The following CNTNAP5 variants were observed in gnomAD, a reference collection of about 807,000 sequenced individuals.
The protein encoded by CNTNAP5 is contactin associated protein family member 5, also known as contactin-associated protein-like 5.
Under a neutral mutation model 150.2 loss-of-function variants are expected in CNTNAP5, and 72 were observed. That is an observed-to-expected ratio of 0.48 (90% CI 0.40 to 0.58). The LOEUF (loss-of-function observed/expected upper bound fraction) is 0.58. Among genes scored for constraint, CNTNAP5 ranks in the 20% least tolerant of loss-of-function variants. CNTNAP5 has a pLI of 0.00. For missense variants in CNTNAP5, 1,636 were observed against 1,626.2 expected, an observed-to-expected ratio of 1.01 and a Z score of -0.10; for synonymous variants, 672 against 619.8, an observed-to-expected ratio of 1.08 and a Z score of -1.25.
At chr2:124,813,427 C>A (rs991461961) in intron 19 of CNTNAP5, among the ~76,000 whole-genome samples, 2 of 147,618 alleles carry the variant, frequency 1.4e-5, no homozygotes, top group South Asian at 4.2e-4. Context: ...TATACCCTCA[C>A]TGAGCTAACT....
intron 1 of CNTNAP5, among the ~76,000 whole-genome samples, chr2:124,196,382 G>T (rs1457027503): frequency 6.6e-6 from 1 of 152,160 alleles, no homozygotes; most frequent in Non-Finnish European, 1.5e-5. Flanking sequence ...TTACCTGGAA[G>T]AAATATTTTG....
chr2:124,349,907 C>T (rs1216965602), intron 3 of CNTNAP5, among the ~76,000 whole-genome samples: 1 of 46,256 alleles, frequency 2.2e-5, no homozygotes, highest in Non-Finnish European at 4.1e-5. Flanking sequence ...TTTTTTGAGA[C>T]AGAGTCTAAC....
chr2:124,650,756 A>G (rs1237175622), intron 13 of CNTNAP5, among the ~76,000 whole-genome samples: 1 of 152,210 alleles, frequency 6.6e-6, no homozygotes, highest in Non-Finnish European at 1.5e-5. Flanking sequence ...ATCAATAAAT[A>G]CAACTTCATA....
intron 11 of CNTNAP5, among the ~76,000 whole-genome samples, chr2:124,590,111 T>C (rs927590522): frequency 6.6e-6 from 1 of 152,134 alleles, no homozygotes; most frequent in Non-Finnish European, 1.5e-5. Flanking sequence ...ACGGATGATA[T>C]AGGAAGAAGG....
intron 1 of CNTNAP5, among the ~76,000 whole-genome samples, chr2:124,113,725 A>G (rs1683358796): frequency 1.3e-5 from 2 of 151,938 alleles, no homozygotes; most frequent in Admixed American, 6.6e-5. Context: ...TTGTTTTAAA[A>G]ATGTATAATA....
chr2:124,091,449 C>T lies in CNTNAP5; in HGVS notation c.82+65717C>T, dbSNP rs146614416. Among the ~76,000 whole-genome samples, 34 of 152,212 alleles carry T rather than the reference C, an allele frequency of 2.2e-4. No individual in the cohort carries two copies. In the East Asian group the frequency reaches 6.2e-3, roughly 28 times the overall value. ...TGCTAGAACCTGGTAAGCTACATGGCAAAGAAGCTTGCAGTCGTGATCTCA... is the reference window on the plus strand; with the variant it reads ...TGCTAGAACCTGGTAAGCTACATGGTAAAGAAGCTTGCAGTCGTGATCTCA... On this transcript the variant is annotated intron_variant, in intron 1 of 23. Coordinates refer to ENST00000682447, the MANE Select transcript of CNTNAP5 (RefSeq NM_001367498.1).
At chr2:124,356,775 A>G (rs1690022215) in intron 3 of CNTNAP5, among the ~76,000 whole-genome samples, 1 of 151,730 alleles carries the variant, frequency 6.6e-6, no homozygotes. Flanking sequence ...ATACGTGTGC[A>G]TGTGTCTTTA....
At chr2:124,557,065 A>T (rs1695774415) in intron 10 of CNTNAP5, among the ~76,000 whole-genome samples, 1 of 151,918 alleles carries the variant, frequency 6.6e-6, no homozygotes, top group African/African-American at 2.4e-5. Flanking sequence ...TCTGCTTCTG[A>T]TCCAATTAGA....
chr2:124,860,453 T>A (rs1192604054), intron 19 of CNTNAP5, among the ~76,000 whole-genome samples: 4 of 10,300 alleles, frequency 3.9e-4, no homozygotes, highest in African/African-American at 9.1e-4. Context: ...CCTTCCTTCT[T>A]TCCTTCCTTC....
chr2:124,069,446 G>T (rs1213950), intron 1 of CNTNAP5, among the ~76,000 whole-genome samples: 37,084 of 152,094 alleles, frequency 0.24, 4,856 homozygotes, highest in Middle Eastern at 0.32. Context: ...CACAAACCTG[G>T]CTGACTTCAC....
intron 13 of CNTNAP5, among the ~76,000 whole-genome samples, chr2:124,675,953 A>G (rs74374335): frequency 0.043 from 6,610 of 152,232 alleles, 467 homozygotes; most frequent in African/African-American, 0.15. Context: ...AAAATAGGAC[A>G]TTTCAGATAA....
intron 10 of CNTNAP5, among the ~76,000 whole-genome samples, chr2:124,538,502 AG>A (rs1270545903): frequency 6.6e-6 from 1 of 151,608 alleles, no homozygotes; most frequent in African/African-American, 2.4e-5. Context: ...AGAGAGAAAG[AG>A]AGACTCTGTC....
intron 1 of CNTNAP5, among the ~76,000 whole-genome samples, chr2:124,056,594 C>T (rs899972393): frequency 6.6e-5 from 10 of 152,124 alleles, no homozygotes; most frequent in East Asian, 1.9e-4. Context: ...TGCAATGAGC[C>T]GAGATCATGC....
chr2:124,569,022 T>C (rs1428513374), intron 11 of CNTNAP5, among the ~76,000 whole-genome samples: 2 of 152,210 alleles, frequency 1.3e-5, no homozygotes, highest in Non-Finnish European at 2.9e-5. Context: ...CACTCCAGCC[T>C]GGGCGACAGA....
intron 1 of CNTNAP5, among the ~76,000 whole-genome samples, chr2:124,054,125 C>T (rs1681782404): frequency 6.6e-6 from 1 of 152,224 alleles, no homozygotes; most frequent in East Asian, 1.9e-4. Context: ...ACTTGAAGAA[C>T]ACCAAGAAGC....
intron 1 of CNTNAP5, among the ~76,000 whole-genome samples, chr2:124,084,922 C>CTTTTTTTTTTTTTTTTTTTTT (rs1474480684): frequency 1.1e-4 from 2 of 18,218 alleles, no homozygotes; most frequent in African/African-American, 1.5e-4. Context: ...TTCAAGTTTC[C>CTTTTTTTTTTTTTTTTTTTTT]TGTTTTTTTT....
rs113362885 is a variant in CNTNAP5, at chr2:124,451,640, C to A, written c.918+4703C>A. ...ACTGCAGTAATACATTAGGAAAGCC[C>A]GGAGGACACACAGACCCTCCAAAAG... On this transcript the variant is annotated intron_variant, in intron 6 of 23. Coordinates refer to ENST00000682447, the MANE Select transcript of CNTNAP5 (RefSeq NM_001367498.1). Among the ~76,000 whole-genome samples, 3 of 152,136 alleles carry A rather than the reference C, an allele frequency of 2.0e-5. No individual in the cohort carries two copies. In the East Asian group the frequency reaches 5.8e-4, roughly 29 times the overall value.
chr2:124,715,639 AT>A (rs1679929303), intron 13 of CNTNAP5, among the ~76,000 whole-genome samples: 1 of 152,212 alleles, frequency 6.6e-6, no homozygotes, highest in Admixed American at 6.5e-5. Context: ...GAAGGGTGGT[AT>A]TTTTCTTTAA....
chr2:124,031,117 T>C (rs1408971852), intron 1 of CNTNAP5, among the ~76,000 whole-genome samples: 1 of 150,320 alleles, frequency 6.7e-6, no homozygotes, highest in Non-Finnish European at 1.5e-5. Context: ...TGTTATCTTC[T>C]CTCACTCTCT....
Sources: gnomAD v4.1 joint callset for allele counts (sites outside exome capture counted in the v4.1 genomes callset) on GRCh38, gnomAD v4.1.1 for gene constraint, MANE v1.5 for transcripts, NCBI Gene and HGNC (gene_info 2026-07-23, HGNC 2026-07-21) for gene names.